The following ENPP1 variants were observed in gnomAD, a reference collection of about 807,000 sequenced individuals.
ENPP1 encodes ectonucleotide pyrophosphatase/phosphodiesterase 1, also known as ectonucleotide pyrophosphatase/phosphodiesterase family member 1.
In ENPP1, 73 loss-of-function variants were observed where a neutral mutation model predicts 122.8. The observed-to-expected ratio is 0.59, with a 90% CI of 0.49 to 0.72. ENPP1 has a LOEUF of 0.72. ENPP1 is among the 30% of genes least tolerant of loss of function. The pLI is 0.00. For missense variants in ENPP1, 978 were observed against 1,128.1 expected (o/e 0.87, Z 1.91); for synonymous variants, 367 against 391.6 (o/e 0.94, Z 0.74).
chr6:131,875,651 G>T, intron 16 of ENPP1, 125 bp from the exon 17 acceptor site: 1 of 748,164 alleles, frequency 1.3e-6, no homozygotes, highest in East Asian at 2.6e-5. Context: ...TCCACTGAGC[G>T]TGGTAGTTTT....
chr6:131,890,123 T>A (rs923841558), intron 24 of ENPP1, among the ~76,000 whole-genome samples: 1 of 152,200 alleles, frequency 6.6e-6, no homozygotes, highest in African/African-American at 2.4e-5. Context: ...GTATAGTTTC[T>A]TTTCCCCAAA....
Position 131,827,013 on chromosome 6 carries a change from T to C in ENPP1, c.240+18738T>C, listed in dbSNP as rs1346583710. ...ATGGTCTACTACCAGAGATGAATGG[T>C]CCACATCTTTGAGGTTGACCAGCTG... On this transcript the variant is annotated intron_variant, in intron 1 of 24. Transcript: ENST00000647893. 2.1e-5 allele frequency: 11 copies of C among 522,958 alleles called. No homozygotes were observed. The East Asian group carries it at 4.5e-4, about 21-fold the overall frequency. 32.4% of individuals were successfully genotyped at this position (522,958 alleles called of 1,614,324 possible).
intron 1 of ENPP1, among the ~76,000 whole-genome samples, chr6:131,824,300 C>A (rs1781517291): frequency 6.6e-6 from 1 of 151,980 alleles, no homozygotes; most frequent in Non-Finnish European, 1.5e-5. Context: ...GAAAAGGCAG[C>A]AGCAGGGGAA....
At chr6:131,843,362 A>G (rs969509638) in intron 1 of ENPP1, among the ~76,000 whole-genome samples, 3 of 152,158 alleles carry the variant, frequency 2.0e-5, no homozygotes, top group African/African-American at 4.8e-5. Context: ...TAAATCAAGA[A>G]CTTCTTTTTA....
intron 2 of ENPP1, 49 bp from the exon 3 acceptor site, chr6:131,849,941 G>A: frequency 7.6e-7 from 1 of 1,320,234 alleles, no homozygotes; most frequent in Non-Finnish European, 1.1e-6. Context: ...TGTTTACTTT[G>A]AATTATATAA....
rs370171965 is a variant in ENPP1 at position 131,873,096 on chromosome 6, T to C, written c.1565+46T>C. Reference sequence around the variant, plus strand: ...AGGTAAACTTAGTCTGATCGGTTAGTGATTCAGGGTAACCATTGGGCCCTT... The same window carrying C: ...AGGTAAACTTAGTCTGATCGGTTAGCGATTCAGGGTAACCATTGGGCCCTT... On this transcript the variant is annotated intron_variant, in intron 15 of 24. Coordinates refer to ENST00000647893, the MANE Select transcript of ENPP1 (RefSeq NM_006208.3). 106 of 1,606,632 alleles carry C rather than the reference T, an allele frequency of 6.6e-5. No homozygotes were observed. The African/African-American group carries it at 1.2e-3, about 19-fold the overall frequency.
chr6:131,879,076 A>G (rs1298937915), intron 19 of ENPP1, among the ~76,000 whole-genome samples: 4 of 152,208 alleles, frequency 2.6e-5, no homozygotes, highest in Admixed American at 1.3e-4. Flanking sequence ...TGGAGTCACT[A>G]TAATACACTC....
chr6:131,885,348 G>T (rs1189560518), intron 23 of ENPP1, among the ~76,000 whole-genome samples: 3 of 152,204 alleles, frequency 2.0e-5, no homozygotes, highest in Non-Finnish European at 4.4e-5. Flanking sequence ...TAAGATCTCT[G>T]TGTGGCTGAT....
rs1782463249 is a variant in ENPP1 at position 131,891,053 on chromosome 6, G to C, written c.*542G>C. 1 of 153,064 alleles carries C rather than the reference G, an allele frequency of 6.5e-6. No individual in the cohort carries two copies. Among genetic ancestry groups the C allele is most frequent in the Non-Finnish European group, 1.5e-5 (1 of 68,858 alleles). 9.5% of individuals were successfully genotyped at this position (153,064 alleles called of 1,614,324 possible). A position where few individuals can be genotyped will look rare whatever the true frequency, so the allele number is the denominator to read the frequency against. On this transcript the variant is annotated 3_prime_UTR_variant, in exon 25 of 25. Transcript: ENST00000647893. ...CTGAGACCTTGTTTCAATCTTTGCT[G>C]TATATCCCCTCAAAATCCAAGTTAT... is the stretch of plus-strand genomic sequence containing the variant.
At chr6:131,853,485 G>A (rs1318925047) in intron 5 of ENPP1, among the ~76,000 whole-genome samples, 2 of 152,060 alleles carry the variant, frequency 1.3e-5, no homozygotes, top group Non-Finnish European at 2.9e-5. Flanking sequence ...TTACCAGTAT[G>A]TTTACGTGAT....
At chr6:131,843,321 A>G (rs1369161934) in intron 1 of ENPP1, among the ~76,000 whole-genome samples, 5 of 152,194 alleles carry the variant, frequency 3.3e-5, no homozygotes, top group Non-Finnish European at 5.9e-5. Flanking sequence ...CTTTTGTTTC[A>G]GTTCTATGCT....
intron 1 of ENPP1, among the ~76,000 whole-genome samples, chr6:131,810,559 C>T (rs769693041): frequency 3.3e-5 from 5 of 149,378 alleles, no homozygotes; most frequent in Admixed American, 2.1e-4. Flanking sequence ...TAGAAAGGAG[C>T]TGCAATTATA....
chr6:131,827,727 C>A, intron 1 of ENPP1: 1 of 682,116 alleles, frequency 1.5e-6, no homozygotes, highest in Non-Finnish European at 2.7e-6. Context: ...CCTCTTGCCC[C>A]TCCTTCTTGT....
intron 19 of ENPP1, among the ~76,000 whole-genome samples, chr6:131,878,836 C>T (rs1337238900): frequency 6.6e-6 from 1 of 152,216 alleles, no homozygotes; most frequent in Non-Finnish European, 1.5e-5. Context: ...AGCTGAATCA[C>T]ACCTTGTGAA....
intron 1 of ENPP1, among the ~76,000 whole-genome samples, chr6:131,846,325 C>T (rs941008999): frequency 1.3e-5 from 2 of 152,198 alleles, no homozygotes; most frequent in Admixed American, 1.3e-4. Context: ...TTTGCATTTT[C>T]TTGGTTTCAG....
chr6:131,876,972 A>G lies in ENPP1; in HGVS notation c.1724-20A>G, dbSNP rs762158855. ...TGATTTGAAACATCTAAGTAACTCTACCATCTTGAAATTATGCAGATTTAC... is the reference window on the plus strand; with the variant it reads ...TGATTTGAAACATCTAAGTAACTCTGCCATCTTGAAATTATGCAGATTTAC... On this transcript the variant is annotated intron_variant, in intron 17 of 24. Transcript: ENST00000647893. 5.6e-6 allele frequency: 9 copies of G among 1,611,908 alleles called. No homozygotes were observed. The highest frequency in any genetic ancestry group is 6.8e-6 in the Non-Finnish European group (8 of 1,177,980).
rs768034745 is a variant in ENPP1 at position 131,808,200 on chromosome 6, G to A, written c.165G>A (p.Val55=). 6.2e-4 allele frequency: 930 copies of A among 1,509,850 alleles called. No individual in the cohort carries two copies. Among genetic ancestry groups the A allele is most frequent in the Non-Finnish European group, 7.5e-4 (850 of 1,129,086 alleles). 93.5% of individuals were successfully genotyped at this position (1,509,850 alleles called of 1,614,324 possible). The part of the protein sequence containing the change: ...AAASLLAPMD[V]GEEPLEKAAR... Reference sequence around the variant, plus strand: ...CGTCCTTGCTGGCCCCTATGGACGTGGGGGAGGAGCCGCTGGAGAAGGCGG... The same window carrying A: ...CGTCCTTGCTGGCCCCTATGGACGTAGGGGAGGAGCCGCTGGAGAAGGCGG... The change falls in exon 1 of 25, where the codon GTG becomes GTA. Residue 55 remains valine (V), a synonymous_variant. Transcript: ENST00000647893.
intron 1 of ENPP1, among the ~76,000 whole-genome samples, chr6:131,838,343 C>G (rs1207080604): frequency 6.6e-6 from 1 of 151,712 alleles, no homozygotes; most frequent in Non-Finnish European, 1.5e-5. Context: ...CAAGAATAAA[C>G]CAAAGACATG....
Position 131,808,025 on chromosome 6 carries a change from C to A in ENPP1, c.-11C>A, listed in dbSNP as rs1472628770. ...CGGCCGGGCAGCGGGGCCGGAGCGG[C>A]CGGGGCCACGATGGAGCGCGACGGC... On this transcript the variant is annotated 5_prime_UTR_variant, in exon 1 of 25. Transcript: ENST00000647893. 1 of 969,236 alleles carries A rather than the reference C, an allele frequency of 1.0e-6. No individual in the cohort carries two copies. The highest frequency in any genetic ancestry group is 1.2e-6 in the Non-Finnish European group (1 of 823,668). The allele number at this position is 969,236 out of a possible 1,614,324, so 60.0% of individuals were successfully genotyped here. A position where few individuals can be genotyped will look rare whatever the true frequency, so the allele number is the denominator to read the frequency against.
Sources: allele counts gnomAD v4.1 joint callset (sites outside exome capture counted in the v4.1 genomes callset), GRCh38; gene constraint gnomAD v4.1.1; transcripts MANE v1.5; gene names NCBI Gene and HGNC (gene_info 2026-07-23, HGNC 2026-07-21).